WWOX: variants seen among roughly 807,000 people sequenced by gnomAD.
The protein encoded by WWOX is WW domain-containing oxidoreductase.
In WWOX, 69 loss-of-function variants were observed where a neutral mutation model predicts 46.2. The ratio of observed to expected loss-of-function variants is 1.49; its 90% CI spans 1.23 to 1.82. WWOX has a LOEUF of 1.82. Ranked by LOEUF, WWOX falls within the 40% of genes most tolerant of loss-of-function variation. The pLI is 0.00. For missense variants in WWOX, 919 were observed against 542.6 expected, an observed-to-expected ratio of 1.69 and a Z score of -6.89; for synonymous variants, 359 against 202.6, an observed-to-expected ratio of 1.77 and a Z score of -6.56.
chr16:78,795,462 C>T (rs1014738447), intron 8 of WWOX, among the ~76,000 whole-genome samples: 1 of 151,566 alleles, frequency 6.6e-6, no homozygotes, highest in African/African-American at 2.4e-5. Context: ...TTGTCTTCAA[C>T]CTCCATCTAG....
intron 8 of WWOX, among the ~76,000 whole-genome samples, chr16:78,989,253 G>C (rs58922016): frequency 6.6e-6 from 1 of 152,074 alleles, no homozygotes. Context: ...GTGGTTCTAA[G>C]AATTCTAATT....
intron 8 of WWOX, among the ~76,000 whole-genome samples, chr16:79,197,668 A>C (rs2051266604): frequency 6.6e-6 from 1 of 152,228 alleles, no homozygotes; most frequent in Admixed American, 6.5e-5. Flanking sequence ...TTAGAAAGGC[A>C]GTTCTGTAAT....
chr16:78,202,586 A>G (rs2036266003), intron 5 of WWOX, among the ~76,000 whole-genome samples: 1 of 152,176 alleles, frequency 6.6e-6, no homozygotes, highest in African/African-American at 2.4e-5. Flanking sequence ...TTGTAAGTGC[A>G]TGTATTTCAG....
intron 8 of WWOX, among the ~76,000 whole-genome samples, chr16:78,725,339 C>CTTTTTTTTTTTTTTTTTTTTTTTTT (rs921746316): frequency 3.5e-5 from 3 of 86,774 alleles, no homozygotes; most frequent in Non-Finnish European, 6.5e-5. Flanking sequence ...CTTTTCTTTT[C>CTTTTTTTTTTTTTTTTTTTTTTTTT]TTTTCTTTTT....
chr16:78,562,424 CA>C (rs2044461731), intron 8 of WWOX, among the ~76,000 whole-genome samples: 2 of 152,292 alleles, frequency 1.3e-5, no homozygotes, highest in African/African-American at 2.4e-5. Context: ...TATCTGTTCC[CA>C]CATCCCCTGA....
intron 4 of WWOX, among the ~76,000 whole-genome samples, chr16:78,144,589 T>C (rs1011084440): frequency 4.2e-5 from 6 of 144,262 alleles, no homozygotes; most frequent in African/African-American, 1.5e-4. Flanking sequence ...TGGCGCGATC[T>C]GAGCTCACTG....
At chr16:78,691,264 G>C (rs1372711648) in intron 8 of WWOX, 9 of 702,182 alleles carry the variant, frequency 1.3e-5, no homozygotes, top group Non-Finnish European at 2.1e-5. Context: ...CTGGTAGAAG[G>C]AGGTCACTTC....
chr16:78,838,675 C>G (rs780393175), intron 8 of WWOX, among the ~76,000 whole-genome samples: 4 of 152,140 alleles, frequency 2.6e-5, no homozygotes, highest in African/African-American at 2.4e-5. Context: ...AACCCCATCT[C>G]TACTAAAAAT....
In WWOX at chr16:78,504,017, C is replaced by G. The variant is rs1446196511; in HGVS notation, c.1056+71265C>G. Among the ~76,000 whole-genome samples, 5 of 152,060 alleles carry G rather than the reference C, an allele frequency of 3.3e-5. No individual in the cohort carries two copies. In the East Asian group the frequency reaches 5.8e-4, roughly 18 times the overall value. On this transcript the variant is annotated intron_variant, in intron 8 of 8. Transcript: ENST00000566780. ...TGGGTGTGATGAAATAAATAACATT[C>G]AAATACATCTTAAAGATGTCAGTCA... is the stretch of plus-strand genomic sequence containing the variant.
chr16:78,979,751 T>G (rs2046645019), intron 8 of WWOX, among the ~76,000 whole-genome samples: 1 of 152,168 alleles, frequency 6.6e-6, no homozygotes, highest in Non-Finnish European at 1.5e-5. Flanking sequence ...TCCAGGTTTT[T>G]CCTTCTCAGC....
chr16:78,695,557 C>T (rs1380551531), intron 8 of WWOX, among the ~76,000 whole-genome samples: 2 of 152,156 alleles, frequency 1.3e-5, no homozygotes, highest in Non-Finnish European at 2.9e-5. Context: ...CTATGGTCTG[C>T]CAAGGAGAGT....
intron 8 of WWOX, among the ~76,000 whole-genome samples, chr16:79,137,756 C>A (rs2050010826): frequency 1.3e-5 from 2 of 152,096 alleles, no homozygotes; most frequent in African/African-American, 4.8e-5. Context: ...AGCCTGGCCT[C>A]TGTCCCCTCT....
intron 1 of WWOX, among the ~76,000 whole-genome samples, chr16:78,105,757 T>G (rs2032099731): frequency 6.6e-6 from 1 of 152,188 alleles, no homozygotes; most frequent in African/African-American, 2.4e-5. Flanking sequence ...CCAGCCTGCC[T>G]GCCAACAAGG....
At chr16:78,918,321 A>G (rs746868007) in intron 8 of WWOX, among the ~76,000 whole-genome samples, 1 of 152,162 alleles carries the variant, frequency 6.6e-6, no homozygotes, top group Admixed American at 6.5e-5. Flanking sequence ...TCTTCTATAC[A>G]TTTCCTGTTT....
At chr16:78,951,693 C>T (rs896152255) in intron 8 of WWOX, among the ~76,000 whole-genome samples, 2 of 152,164 alleles carry the variant, frequency 1.3e-5, no homozygotes, top group Non-Finnish European at 2.9e-5. Context: ...TGCGGTTCTA[C>T]CCAGTACCGG....
chr16:78,215,763 A>C (rs2036698997), intron 5 of WWOX, among the ~76,000 whole-genome samples: 1 of 152,096 alleles, frequency 6.6e-6, no homozygotes, highest in Non-Finnish European at 1.5e-5. Context: ...CCCTGCCTCT[A>C]CTAAAAATAC....
chr16:78,221,006 A>AT (rs2036869242), intron 5 of WWOX, among the ~76,000 whole-genome samples: 1 of 152,114 alleles, frequency 6.6e-6, no homozygotes, highest in African/African-American at 2.4e-5. Flanking sequence ...TTAAAATTTC[A>AT]TTTTCTCTTA....
chr16:78,695,325 A>G (rs74965821), intron 8 of WWOX, among the ~76,000 whole-genome samples: 8 of 152,056 alleles, frequency 5.3e-5, no homozygotes, highest in Middle Eastern at 3.4e-3. Flanking sequence ...TCTCACTCCA[A>G]TTTGAATCCT....
At chr16:78,278,510 G>C (rs1216935211) in intron 5 of WWOX, 5 of 1,286,010 alleles carry the variant, frequency 3.9e-6, no homozygotes, top group Non-Finnish European at 5.4e-6. Flanking sequence ...TAATTAATTA[G>C]CAAAAACTTA....
Sources: gnomAD v4.1 joint callset for allele counts (sites outside exome capture counted in the v4.1 genomes callset) on GRCh38, gnomAD v4.1.1 for gene constraint, MANE v1.5 for transcripts, NCBI Gene and HGNC (gene_info 2026-07-23, HGNC 2026-07-21) for gene names.